ALOX5: variants seen among roughly 807,000 people sequenced by gnomAD.
ALOX5 encodes the protein polyunsaturated fatty acid 5-lipoxygenase.
A neutral mutation model predicts 87.9 loss-of-function variants in ALOX5; 64 were observed. The ratio of observed to expected loss-of-function variants is 0.73; its 90% CI spans 0.60 to 0.90. The LOEUF is 0.90. ALOX5 is among the 40% of genes least tolerant of loss of function. ALOX5 has a pLI of 0.00. For synonymous variants in ALOX5, 388 were observed against 355.1 expected, an observed-to-expected ratio of 1.09 and a Z score of -1.04; for missense variants, 822 against 907.5, an observed-to-expected ratio of 0.91 and a Z score of 1.21.
rs1434421365 is a variant in ALOX5 at position 45,443,447 on chromosome 10, G to A, written c.1483G>A (p.Glu495Lys). The change falls in exon 11 of 14, where the codon GAG (glutamate) becomes AAG (lysine). Residue 495 changes from glutamate (E) to lysine (K), a missense_variant. Glu to Lys is a moderately conservative substitution (Grantham distance 56). Transcript: ENST00000374391. ...GGCCGAGGTGGTAGACATCTACTAC[G>A]AGGGCGACCAGGTGGTGGAGGAGGA... ...FTAEVVDIYY[E>K]GDQVVEEDPE... The A allele has an allele frequency of 3.7e-6, 6 of 1,610,958 alleles. No homozygotes were observed. The African/African-American group carries it at 8.0e-5, about 22-fold the overall frequency.
At chr10:45,390,549 T>G (rs1480716061) in intron 2 of ALOX5, among the ~76,000 whole-genome samples, 2 of 152,058 alleles carry the variant, frequency 1.3e-5, no homozygotes, top group Non-Finnish European at 2.9e-5. Context: ...ACTCAAAACC[T>G]CTCAACTACA....
chr10:45,384,507 T>G (rs1166362620), intron 2 of ALOX5, among the ~76,000 whole-genome samples: 4 of 152,196 alleles, frequency 2.6e-5, no homozygotes, highest in South Asian at 2.1e-4. Context: ...GGGCTGGGCC[T>G]TCTTCTGTCA....
intron 1 of ALOX5, among the ~76,000 whole-genome samples, chr10:45,375,948 G>T (rs1839592180): frequency 6.6e-6 from 1 of 152,198 alleles, no homozygotes; most frequent in Non-Finnish European, 1.5e-5. Flanking sequence ...TTATTTCATG[G>T]ATTCCCCACA....
chr10:45,423,502 C>T (rs1331437114), intron 4 of ALOX5, among the ~76,000 whole-genome samples: 1 of 152,242 alleles, frequency 6.6e-6, no homozygotes, highest in Non-Finnish European at 1.5e-5. Context: ...TCACATCTCA[C>T]TCCTTAGTAC....
chr10:45,382,453 C>T (rs776048519), intron 1 of ALOX5, 30 bp from the exon 2 acceptor site: 2 of 1,613,300 alleles, frequency 1.2e-6, no homozygotes, highest in Non-Finnish European at 1.7e-6. Context: ...GGAGACCACG[C>T]ATGGCCTGAT....
At chr10:45,415,537 C>T (rs1483623124) in intron 4 of ALOX5, among the ~76,000 whole-genome samples, 2 of 151,982 alleles carry the variant, frequency 1.3e-5, no homozygotes, top group Non-Finnish European at 2.9e-5. Flanking sequence ...ATGTAACAAT[C>T]CTGCACGTTG....
At position 45,412,281 on chromosome 10, in the gene ALOX5, A is replaced by G; in HGVS notation, c.522A>G (p.Lys174=). ...GTGATATCCAGTTTGATAGTGAAAA[A>G]GGAGTGGACTTTGTTCTGAATTACT... ...LPRDIQFDSE[K]GVDFVLNYSK... Residue 174 remains lysine, a synonymous_variant, in exon 4 of 14, where the codon AAA becomes AAG. Coordinates refer to ENST00000374391, the MANE Select transcript of ALOX5 (RefSeq NM_000698.5). 6.2e-7 allele frequency: 1 copy of G among 1,614,166 alleles called. No individual in the cohort carries two copies. Among genetic ancestry groups the G allele is most frequent in the Non-Finnish European group, 8.5e-7 (1 of 1,180,034 alleles).
intron 2 of ALOX5, among the ~76,000 whole-genome samples, chr10:45,392,891 A>G (rs931002976): frequency 1.3e-5 from 2 of 152,214 alleles, no homozygotes; most frequent in Non-Finnish European, 2.9e-5. Flanking sequence ...CACCCTCCCA[A>G]GACTAAACCA....
intron 4 of ALOX5, among the ~76,000 whole-genome samples, chr10:45,417,682 A>G (rs1272227450): frequency 6.6e-6 from 1 of 152,230 alleles, no homozygotes; most frequent in African/African-American, 2.4e-5. Context: ...GTGAGAGCCC[A>G]GATGTCTCTG....
intron 3 of ALOX5, among the ~76,000 whole-genome samples, chr10:45,408,973 C>A (rs556695112): frequency 6.6e-6 from 1 of 152,288 alleles, no homozygotes; most frequent in South Asian, 2.1e-4. Context: ...TTTCTCCTTA[C>A]ATATTTTAAA....
At chr10:45,404,260 G>C (rs1229768504) in intron 3 of ALOX5, among the ~76,000 whole-genome samples, 1 of 152,130 alleles carries the variant, frequency 6.6e-6, no homozygotes, top group Non-Finnish European at 1.5e-5. Flanking sequence ...GCACAATCTT[G>C]GAGTTCCTCT....
At chr10:45,437,874 G>A (rs574254508) in intron 7 of ALOX5, among the ~76,000 whole-genome samples, 13 of 152,320 alleles carry the variant, frequency 8.5e-5, no homozygotes, top group Middle Eastern at 6.8e-3. Flanking sequence ...GTGTGCTCTC[G>A]CCATTGTTCC....
chr10:45,405,604 C>T (rs1415456870), intron 3 of ALOX5, among the ~76,000 whole-genome samples: 2 of 152,132 alleles, frequency 1.3e-5, no homozygotes, highest in Non-Finnish European at 2.9e-5. Context: ...GTATTGTTTA[C>T]ATCTATAACT....
At position 45,413,162 on chromosome 10, in the gene ALOX5, TC is replaced by T. The variant is rs544345056; in HGVS notation, c.554+852del. On this transcript the variant is annotated intron_variant, in intron 4 of 13. Transcript: ENST00000374391. ...AAACAAAGAGAATTTTAGACCAATA[TC>T]CCTGATGAACATCAATGCGAAAATC... Among the ~76,000 whole-genome samples, 195 of 152,196 alleles carry T rather than the reference TC, an allele frequency of 1.3e-3. 1 individual carries two copies. Among genetic ancestry groups the T allele is most frequent in the African/African-American group, 4.5e-3 (188 of 41,502 alleles).
At chr10:45,429,281 C>T (rs1046819528) in intron 7 of ALOX5, among the ~76,000 whole-genome samples, 2 of 152,162 alleles carry the variant, frequency 1.3e-5, no homozygotes, top group African/African-American at 4.8e-5. Flanking sequence ...CAGCCTGCTG[C>T]CAGGCTGGGA....
At chr10:45,405,956 T>C (rs906358963) in intron 3 of ALOX5, among the ~76,000 whole-genome samples, 1 of 152,152 alleles carries the variant, frequency 6.6e-6, no homozygotes, top group Non-Finnish European at 1.5e-5. Context: ...GTAGCATTCG[T>C]TCCTGACTTG....
Position 45,440,587 on chromosome 10 carries a change from G to T in ALOX5, c.1139G>T (p.Gly380Val). ...ACACATCTGGTGTCTGAGGTTTTTG[G>T]CATTGCAATGTACCGCCAGCTGCCT... ...LRTHLVSEVF[G>V]IAMYRQLPAV... Residue 380 changes from glycine (G) to valine (V), a missense_variant, in exon 8 of 14, where the codon GGC becomes GTC. Physicochemically the swap from Gly to Val is moderately radical, Grantham distance 109. Coordinates refer to ENST00000374391, the MANE Select transcript of ALOX5 (RefSeq NM_000698.5). 6.2e-7 allele frequency: 1 copy of T among 1,614,108 alleles called. No homozygotes were observed. The highest frequency in any genetic ancestry group is 1.1e-5 in the South Asian group (1 of 91,078).
intron 13 of ALOX5, chr10:45,444,762 CT>C (rs989556140): frequency 1.2e-5 from 2 of 161,170 alleles, no homozygotes; most frequent in African/African-American, 4.8e-5. Flanking sequence ...TGCTGGGTGT[CT>C]GAGTTGTTCC....
chr10:45,423,095 C>T (rs1399900098), intron 4 of ALOX5, among the ~76,000 whole-genome samples: 1 of 152,196 alleles, frequency 6.6e-6, no homozygotes, highest in Non-Finnish European at 1.5e-5. Flanking sequence ...GGGGTCAGGG[C>T]TTCAACACAT....
Sources: allele counts gnomAD v4.1 joint callset (sites outside exome capture counted in the v4.1 genomes callset), GRCh38; gene constraint gnomAD v4.1.1; transcripts MANE v1.5; gene names NCBI Gene and HGNC (gene_info 2026-07-23, HGNC 2026-07-21).